Variants in GRIK1 observed in about 807,000 individuals in gnomAD.
GRIK1 encodes glutamate receptor ionotropic, kainate 1.
Under a neutral mutation model 105.7 loss-of-function variants are expected in GRIK1, and 69 were observed. The ratio of observed to expected loss-of-function variants is 0.65; its 90% CI spans 0.54 to 0.80. The LOEUF (loss-of-function observed/expected upper bound fraction) is 0.80. Among genes scored for constraint, GRIK1 ranks in the 30% least tolerant of loss-of-function variants. GRIK1 has a pLI of 0.00. For missense variants in GRIK1, 1,109 were observed against 1,167.3 expected (o/e 0.95, Z 0.73); for synonymous variants, 438 against 431.3 (o/e 1.02, Z -0.19).
At chr21:29,913,146 C>A (rs191244885) in intron 1 of GRIK1, among the ~76,000 whole-genome samples, 11 of 152,150 alleles carry the variant, frequency 7.2e-5, no homozygotes, top group African/African-American at 2.4e-4. Flanking sequence ...GTTGCCCTGG[C>A]AGTTTGGCAA....
chr21:29,849,255 G>A (rs1401351098), intron 1 of GRIK1, among the ~76,000 whole-genome samples: 2 of 152,000 alleles, frequency 1.3e-5, no homozygotes, highest in Non-Finnish European at 2.9e-5. Context: ...TTCTAGTATG[G>A]TGCCAAACAT....
At chr21:29,908,311 A>G (rs1305589627) in intron 1 of GRIK1, among the ~76,000 whole-genome samples, 4 of 152,218 alleles carry the variant, frequency 2.6e-5, no homozygotes, top group African/African-American at 9.6e-5. Context: ...ACCACTTTTC[A>G]CCATCTTCCA....
intron 1 of GRIK1, among the ~76,000 whole-genome samples, chr21:29,716,424 G>A (rs1481455688): frequency 6.6e-6 from 1 of 152,120 alleles, no homozygotes; most frequent in Non-Finnish European, 1.5e-5. Context: ...TAGAGACTTA[G>A]AGGGCTCAGA....
At chr21:29,542,705 G>A (rs2089990932) in intron 16 of GRIK1, among the ~76,000 whole-genome samples, 1 of 152,170 alleles carries the variant, frequency 6.6e-6, no homozygotes, top group African/African-American at 2.4e-5. Flanking sequence ...TCATTGGTAG[G>A]TATAGGTAAA....
rs753443587 is a variant in GRIK1, at chr21:29,587,390, C to T, written c.1769G>A (p.Ser590Asn). 1.2e-6 allele frequency: 2 copies of T among 1,611,670 alleles called. No individual in the cohort carries two copies. Among genetic ancestry groups the T allele is most frequent in the Middle Eastern group, 1.6e-4 (1 of 6,062 alleles). ...CCTTGCAATCACAAAGAGTACACAG[C>T]TGACTCCCAAGCAGGCTAAGAGCAC... ...MYVLLACLGV[S>N]CVLFVIARFT... Residue 590 changes from serine (S) to asparagine (N), a missense_variant, in exon 12 of 18, where the codon AGC (serine) becomes AAC (asparagine). This residue lies in a region of GRIK1 where 264 missense variants were observed against 306.9 expected (regional missense o/e 0.86). Transcript: ENST00000327783.
At chr21:29,901,797 G>A (rs936208194) in intron 1 of GRIK1, among the ~76,000 whole-genome samples, 1 of 152,108 alleles carries the variant, frequency 6.6e-6, no homozygotes, top group Non-Finnish European at 1.5e-5. Context: ...CTCATTTTAT[G>A]AGGCCAGCAT....
chr21:29,658,856 T>C (rs575271618), intron 4 of GRIK1, among the ~76,000 whole-genome samples: 1 of 152,212 alleles, frequency 6.6e-6, no homozygotes, highest in Non-Finnish European at 1.5e-5. Flanking sequence ...TTCTGACATA[T>C]GTCACTCTCC....
At chr21:29,761,699 CT>C (rs2065525670) in intron 1 of GRIK1, among the ~76,000 whole-genome samples, 1 of 149,384 alleles carries the variant, frequency 6.7e-6, no homozygotes, top group Non-Finnish European at 1.5e-5. Context: ...TCTTTCTTCT[CT>C]TCTTTTCTTT....
At chr21:29,837,209 C>G (rs890125447) in intron 1 of GRIK1, among the ~76,000 whole-genome samples, 5 of 152,166 alleles carry the variant, frequency 3.3e-5, no homozygotes, top group African/African-American at 1.2e-4. Flanking sequence ...CTCTCTCCTA[C>G]AAGGAGAGTT....
At chr21:29,853,327 TC>T (rs962678629) in intron 1 of GRIK1, among the ~76,000 whole-genome samples, 2 of 152,230 alleles carry the variant, frequency 1.3e-5, no homozygotes, top group Non-Finnish European at 2.9e-5. Context: ...TGTTGACTGT[TC>T]CGTACATCGT....
At chr21:29,630,073 G>A (rs112971563) in intron 7 of GRIK1, among the ~76,000 whole-genome samples, 2,769 of 152,260 alleles carry the variant, frequency 0.018, 53 homozygotes, top group South Asian at 0.07. Context: ...TCTTATGTGG[G>A]TGTAGCAGAA....
At chr21:29,918,030 T>C (rs1219228324) in intron 1 of GRIK1, among the ~76,000 whole-genome samples, 1 of 152,026 alleles carries the variant, frequency 6.6e-6, no homozygotes. Context: ...GATGAGTGGA[T>C]AAATAGATAG....
intron 1 of GRIK1, among the ~76,000 whole-genome samples, chr21:29,888,050 C>T (rs1569191239): frequency 6.6e-6 from 1 of 151,558 alleles, no homozygotes; most frequent in Non-Finnish European, 1.5e-5. Flanking sequence ...GGGCCTGCTT[C>T]CCCCAACAAC....
chr21:29,924,819 C>T (rs1044374151), intron 1 of GRIK1, among the ~76,000 whole-genome samples: 1 of 152,164 alleles, frequency 6.6e-6, no homozygotes, highest in Non-Finnish European at 1.5e-5. Flanking sequence ...TTCTTAATTT[C>T]ATAGAAGGAC....
At chr21:29,552,252 C>T (rs1349162777) in intron 16 of GRIK1, among the ~76,000 whole-genome samples, 19 of 151,870 alleles carry the variant, frequency 1.3e-4, no homozygotes, top group Non-Finnish European at 2.7e-4. Context: ...AAAGATAATC[C>T]CATTAAGAAA....
chr21:29,800,118 G>A (rs2066662495), intron 1 of GRIK1, among the ~76,000 whole-genome samples: 1 of 152,004 alleles, frequency 6.6e-6, no homozygotes, highest in Non-Finnish European at 1.5e-5. Context: ...TTTTTCTGTG[G>A]GTACATGACA....
At chr21:29,741,007 C>G (rs2064912642) in intron 1 of GRIK1, among the ~76,000 whole-genome samples, 1 of 152,206 alleles carries the variant, frequency 6.6e-6, no homozygotes, top group South Asian at 2.1e-4. Context: ...GCTCTTGTTT[C>G]TCTCAGAAAG....
chr21:29,883,312 T>C (rs190103159), intron 1 of GRIK1, among the ~76,000 whole-genome samples: 1 of 152,196 alleles, frequency 6.6e-6, no homozygotes, highest in African/African-American at 2.4e-5. Flanking sequence ...ATAAGTGCAA[T>C]AGAGGCTGGT....
intron 7 of GRIK1, among the ~76,000 whole-genome samples, chr21:29,603,419 G>A (rs939075192): frequency 7.0e-4 from 107 of 151,890 alleles, no homozygotes; most frequent in African/African-American, 2.6e-3. Flanking sequence ...ACCAAACACT[G>A]GCACTAGCTT....
Sources: allele counts gnomAD v4.1 joint callset (sites outside exome capture counted in the v4.1 genomes callset), GRCh38; gene constraint gnomAD v4.1.1; regional missense constraint gnomAD v4.1.1; transcripts MANE v1.5; gene names NCBI Gene and HGNC (gene_info 2026-07-23, HGNC 2026-07-21).